The following DGKB variants were observed in gnomAD, a reference collection of about 807,000 sequenced individuals.
DGKB encodes diacylglycerol kinase beta, also known as 90 kDa diacylglycerol kinase.
DGKB carries 67 observed loss-of-function variants against 114.3 expected under a neutral mutation model. That is an observed-to-expected ratio of 0.59 (90% CI 0.48 to 0.72). The LOEUF (loss-of-function observed/expected upper bound fraction) is 0.72. DGKB is among the 30% of genes least tolerant of loss of function. DGKB has a pLI of 0.00. For missense variants in DGKB, 907 were observed against 975.2 expected, an observed-to-expected ratio of 0.93 and a Z score of 0.93; for synonymous variants, 398 against 323.1, an observed-to-expected ratio of 1.23 and a Z score of -2.49.
chr7:14,781,891 C>T (rs959426223), intron 2 of DGKB, among the ~76,000 whole-genome samples: 2 of 152,046 alleles, frequency 1.3e-5, no homozygotes, highest in African/African-American at 4.8e-5. Flanking sequence ...TATTTTCTTT[C>T]CTCTCTCCAT....
At chr7:14,170,156 A>AGAAGAAAG in intron 25 of DGKB, among the ~76,000 whole-genome samples, 1 of 72,360 alleles carries the variant, frequency 1.4e-5, no homozygotes, top group South Asian at 3.6e-4. Context: ...AAAGAAAGAA[A>AGAAGAAAG]GAAAGAAAGA....
At chr7:14,197,111 T>C (rs577737380) in intron 23 of DGKB, among the ~76,000 whole-genome samples, 3 of 152,024 alleles carry the variant, frequency 2.0e-5, no homozygotes, top group Admixed American at 6.6e-5. Context: ...TTTCAAGGAG[T>C]TGCTTTGTGG....
chr7:14,268,113 T>C (rs1797770303), intron 23 of DGKB, among the ~76,000 whole-genome samples: 1 of 152,122 alleles, frequency 6.6e-6, no homozygotes, highest in Non-Finnish European at 1.5e-5. Context: ...GCTTACTATC[T>C]AGCTCACTGA....
chr7:14,304,233 CTTTTTA>C (rs563047387), intron 23 of DGKB, among the ~76,000 whole-genome samples: 159 of 152,128 alleles, frequency 1.0e-3, no homozygotes, highest in African/African-American at 3.6e-3. Context: ...GATGGATTAT[CTTTTTA>C]TTTTTATTTT....
intron 23 of DGKB, among the ~76,000 whole-genome samples, chr7:14,295,332 A>G (rs775317560): frequency 2.6e-5 from 4 of 152,180 alleles, no homozygotes; most frequent in Non-Finnish European, 4.4e-5. Flanking sequence ...TGTTTATTCA[A>G]TCAGAGCTTT....
chr7:14,204,572 G>C (rs913466757), intron 23 of DGKB, among the ~76,000 whole-genome samples: 1 of 152,004 alleles, frequency 6.6e-6, no homozygotes, highest in Middle Eastern at 3.2e-3. Flanking sequence ...TATGCTTTTT[G>C]ATGAGCTAAT....
At chr7:14,219,974 ACTAC>A (rs2128321288) in intron 23 of DGKB, among the ~76,000 whole-genome samples, 2 of 151,796 alleles carry the variant, frequency 1.3e-5, no homozygotes, top group South Asian at 4.1e-4. Flanking sequence ...TAATGAGTGG[ACTAC>A]TTTCTGAGAA....
intron 23 of DGKB, among the ~76,000 whole-genome samples, chr7:14,225,727 T>TA (rs11314014): frequency 1.3e-5 from 2 of 151,762 alleles, no homozygotes; most frequent in South Asian, 2.1e-4. Context: ...GATAGAGATT[T>TA]AAAAAAAATA....
At chr7:14,597,701 A>G (rs970946522) in intron 17 of DGKB, among the ~76,000 whole-genome samples, 2 of 152,092 alleles carry the variant, frequency 1.3e-5, no homozygotes, top group Non-Finnish European at 2.9e-5. Context: ...TGTTGTCCAG[A>G]GAGATTTTTA....
At chr7:14,630,131 T>G in intron 14 of DGKB, 105 bp downstream of exon 14, 1 of 615,852 alleles carries the variant, frequency 1.6e-6, no homozygotes, top group Non-Finnish European at 2.6e-6. Context: ...TATAACATGC[T>G]GGTATTCGAA....
chr7:14,575,223 G>A (rs781574902), intron 19 of DGKB, among the ~76,000 whole-genome samples: 2 of 152,106 alleles, frequency 1.3e-5, no homozygotes, highest in Non-Finnish European at 2.9e-5. Context: ...CTCACAGTCC[G>A]CTATACGCAG....
chr7:14,145,263 C>A lies in DGKB; in HGVS notation c.*3868G>T, dbSNP rs923270851. 6.6e-6 allele frequency: 1 copy of A among 151,954 alleles called. No individual in the cohort carries two copies. The highest frequency in any genetic ancestry group is 1.5e-5 in the Non-Finnish European group (1 of 67,994). 9.4% of individuals were successfully genotyped at this position (151,954 alleles called of 1,614,324 possible). ...TTCTGCCTCTCACAAAATAAAAGCT[C>A]TTTTACAGGGTTTTATTTATTTATT... On this transcript the variant is annotated 3_prime_UTR_variant, in exon 26 of 26. Coordinates refer to ENST00000402815, the MANE Select transcript of DGKB (RefSeq NM_001350709.2).
intron 17 of DGKB, among the ~76,000 whole-genome samples, chr7:14,591,645 T>A (rs1801723863): frequency 6.6e-6 from 1 of 152,142 alleles, no homozygotes; most frequent in Non-Finnish European, 1.5e-5. Flanking sequence ...ACACTGTTCC[T>A]ATAGTTAACG....
intron 10 of DGKB, among the ~76,000 whole-genome samples, chr7:14,683,496 G>A (rs957249426): frequency 2.6e-5 from 4 of 151,990 alleles, no homozygotes; most frequent in Admixed American, 1.3e-4. Flanking sequence ...ATGTATCTAT[G>A]TATATATATA....
At chr7:14,168,222 G>A (rs1784886764) in intron 25 of DGKB, among the ~76,000 whole-genome samples, 1 of 152,152 alleles carries the variant, frequency 6.6e-6, no homozygotes, top group East Asian at 1.9e-4. Flanking sequence ...AGAGAAAAAT[G>A]TCAGTGAATT....
chr7:14,206,785 A>C (rs1269235325), intron 23 of DGKB, among the ~76,000 whole-genome samples: 1 of 152,082 alleles, frequency 6.6e-6, no homozygotes, highest in Non-Finnish European at 1.5e-5. Flanking sequence ...GCAAATTCTA[A>C]TATGCAAGTA....
chr7:14,657,086 A>C (rs1213093926), intron 13 of DGKB, among the ~76,000 whole-genome samples: 1 of 151,768 alleles, frequency 6.6e-6, no homozygotes, highest in Non-Finnish European at 1.5e-5. Flanking sequence ...CAGTTTTCTT[A>C]TGCTATGTCT....
chr7:14,732,551 G>C (rs1247522135), intron 5 of DGKB, among the ~76,000 whole-genome samples: 1 of 151,778 alleles, frequency 6.6e-6, no homozygotes, highest in African/African-American at 2.4e-5. Flanking sequence ...AACTATCAAA[G>C]GTGGGTCTGA....
chr7:14,580,775 G>T lies in DGKB; in HGVS notation c.1609+87C>A, dbSNP rs190719432. On this transcript the variant is annotated intron_variant, in intron 19 of 25. Transcript: ENST00000402815. ...CAGTTATCTTCACTGAAATCATATC[G>T]TTTTTGTTTCTTTTCTTTTCTTTTT... 57 of 896,674 alleles carry T rather than the reference G, an allele frequency of 6.4e-5. No individual in the cohort carries two copies. In the African/African-American group the frequency reaches 8.0e-4, roughly 13 times the overall value. The allele number at this position is 896,674 out of a possible 1,614,324, so 55.5% of individuals were successfully genotyped here.
Sources: allele counts gnomAD v4.1 joint callset (sites outside exome capture counted in the v4.1 genomes callset), GRCh38; gene constraint gnomAD v4.1.1; transcripts MANE v1.5; gene names NCBI Gene and HGNC (gene_info 2026-07-23, HGNC 2026-07-21).